The following DAB1 variants were observed in gnomAD, a reference collection of about 807,000 sequenced individuals.
The protein encoded by DAB1 is DAB adaptor protein 1, also known as disabled homolog 1.
A neutral mutation model predicts 64.6 loss-of-function variants in DAB1; 15 were observed. The observed-to-expected ratio is 0.23, with a 90% CI of 0.16 to 0.36. The LOEUF (loss-of-function observed/expected upper bound fraction) is 0.36, where lower values mean the gene tolerates loss of function less well. Ranked by LOEUF, DAB1 falls within the 10% of genes least tolerant of loss-of-function variation. The probability of loss-of-function intolerance (pLI) is 1.00; values close to 1 mark genes in which losing one functional copy is unlikely to be tolerated. For synonymous variants in DAB1, 235 were observed against 251.9 expected (o/e 0.93, Z 0.64); for missense variants, 596 against 706.7 (o/e 0.84, Z 1.78).
intron 7 of DAB1, among the ~76,000 whole-genome samples, chr1:57,476,908 C>T (rs949459356): frequency 2.0e-5 from 3 of 152,178 alleles, no homozygotes; most frequent in Non-Finnish European, 4.4e-5. Flanking sequence ...CCACTTGGCA[C>T]CTGTGCAATT....
intron 5 of DAB1, chr1:58,049,019 CTT>C (rs1390259794): frequency 1.4e-5 from 11 of 791,676 alleles, no homozygotes; most frequent in Non-Finnish European, 2.2e-5. Context: ...GGAATCTTCT[CTT>C]GAGACAGCTC....
intron 5 of DAB1, among the ~76,000 whole-genome samples, chr1:58,118,611 T>TAC (rs1652538226): frequency 2.3e-5 from 1 of 43,880 alleles, no homozygotes; most frequent in Non-Finnish European, 3.6e-5. Context: ...TATATATACA[T>TAC]ATATATATAT....
At chr1:57,272,605 A>AT (rs1671099342) in intron 2 of DAB1, among the ~76,000 whole-genome samples, 1 of 152,178 alleles carries the variant, frequency 6.6e-6, no homozygotes, top group African/African-American at 2.4e-5. Flanking sequence ...GGCTTAGAGG[A>AT]TTTGGAACCT....
At chr1:57,554,692 G>A (rs1372699208) in intron 7 of DAB1, among the ~76,000 whole-genome samples, 1 of 152,132 alleles carries the variant, frequency 6.6e-6, no homozygotes, top group African/African-American at 2.4e-5. Flanking sequence ...TAATGGAGAA[G>A]TATTTGCCTC....
intron 4 of DAB1, among the ~76,000 whole-genome samples, chr1:57,110,879 CAT>C (rs1557739371): frequency 6.6e-6 from 1 of 152,032 alleles, no homozygotes; most frequent in Non-Finnish European, 1.5e-5. Flanking sequence ...TGAAATCACA[CAT>C]CAGAAAGTTA....
intron 1 of DAB1, among the ~76,000 whole-genome samples, chr1:57,340,132 G>C (rs1004621908): frequency 1.3e-5 from 2 of 152,122 alleles, no homozygotes; most frequent in African/African-American, 4.8e-5. Flanking sequence ...AAGGCATTAC[G>C]GCAGGCTTAC....
chr1:57,362,885 C>T (rs915427064), intron 1 of DAB1, among the ~76,000 whole-genome samples: 1 of 152,120 alleles, frequency 6.6e-6, no homozygotes, highest in Non-Finnish European at 1.5e-5. Flanking sequence ...TTAGCACTTC[C>T]GTCACTATCT....
intron 7 of DAB1, among the ~76,000 whole-genome samples, chr1:57,530,091 A>G (rs1325502309): frequency 6.6e-6 from 1 of 152,220 alleles, no homozygotes; most frequent in Non-Finnish European, 1.5e-5. Flanking sequence ...ACATGCTATT[A>G]TACCCTGAGA....
At chr1:58,539,072 T>C in intron 1 of DAB1, 2 of 872,964 alleles carry the variant, frequency 2.3e-6, no homozygotes, top group Non-Finnish European at 4.0e-6. Context: ...CTTTTGTTGT[T>C]AAAAGTACTA....
chr1:57,951,990 T>C (rs75636609), intron 5 of DAB1, among the ~76,000 whole-genome samples: 12,408 of 152,202 alleles, frequency 0.082, 578 homozygotes, highest in Non-Finnish European at 0.09. Context: ...GCTTATACAG[T>C]GCATCCTGGG....
intron 6 of DAB1, among the ~76,000 whole-genome samples, chr1:57,653,251 A>G (rs74077752): frequency 0.022 from 3,291 of 152,200 alleles, 117 homozygotes; most frequent in African/African-American, 0.075. Flanking sequence ...ATTTCCATAC[A>G]TATTTTTCTG....
chr1:58,005,663 T>C lies in DAB1; in HGVS notation n.388-121501A>G, dbSNP rs984641968. 2.2e-4 allele frequency among the ~76,000 whole-genome samples: 33 copies of C among 150,376 alleles called. No individual in the cohort carries two copies. The South Asian group carries it at 4.8e-3, about 22-fold the overall frequency. On this transcript the variant is annotated intron_variant and non_coding_transcript_variant, in intron 5 of 20. Transcript: ENST00000485760. ...AAGATGCAAGACTAGATAAGAATAC[T>C]GAACAAGACATAAATAGCAAGATCT...
chr1:57,925,484 T>G (rs1329602115), intron 5 of DAB1, among the ~76,000 whole-genome samples: 1 of 152,166 alleles, frequency 6.6e-6, no homozygotes, highest in Non-Finnish European at 1.5e-5. Context: ...TCTCTAAACA[T>G]TTATCAAGCC....
At chr1:58,425,642 T>C (rs1337335663) in intron 3 of DAB1, among the ~76,000 whole-genome samples, 2 of 152,034 alleles carry the variant, frequency 1.3e-5, no homozygotes, top group East Asian at 3.9e-4. Context: ...ATCAGAATAA[T>C]CCTTAGTATT....
intron 5 of DAB1, among the ~76,000 whole-genome samples, chr1:57,915,719 T>A (rs552583363): frequency 1.1e-4 from 16 of 152,266 alleles, no homozygotes; most frequent in African/African-American, 3.8e-4. Flanking sequence ...CTTGGATATG[T>A]GTGTGACGTA....
intron 6 of DAB1, among the ~76,000 whole-genome samples, chr1:57,700,465 G>T (rs2101729494): frequency 6.6e-6 from 1 of 152,052 alleles, no homozygotes; most frequent in East Asian, 1.9e-4. Flanking sequence ...TTCATCTTTT[G>T]CTGTACCTGC....
At chr1:58,354,388 G>T (rs887237077) in intron 3 of DAB1, among the ~76,000 whole-genome samples, 8 of 152,086 alleles carry the variant, frequency 5.3e-5, no homozygotes, top group Non-Finnish European at 8.8e-5. Flanking sequence ...CAGTGTAATT[G>T]GTGCACCTTC....
intron 7 of DAB1, among the ~76,000 whole-genome samples, chr1:57,612,748 T>C (rs1355770679): frequency 1.3e-5 from 2 of 152,178 alleles, no homozygotes; most frequent in Non-Finnish European, 2.9e-5. Flanking sequence ...ACTAAGTTTG[T>C]AGTATTTTGC....
intron 2 of DAB1, among the ~76,000 whole-genome samples, chr1:57,250,357 A>G (rs931557067): frequency 1.3e-5 from 2 of 152,234 alleles, no homozygotes; most frequent in Admixed American, 6.5e-5. Flanking sequence ...GTATGTATTC[A>G]GGTTATAATT....
Sources: gnomAD v4.1 joint callset for allele counts (sites outside exome capture counted in the v4.1 genomes callset) on GRCh38, gnomAD v4.1.1 for gene constraint, MANE v1.5 for transcripts, NCBI Gene and HGNC (gene_info 2026-07-23, HGNC 2026-07-21) for gene names.